The following SINHCAF variants were observed in gnomAD, a reference collection of about 807,000 sequenced individuals.
SINHCAF encodes the protein SIN3-HDAC complex associated factor.
SINHCAF carries 3 observed loss-of-function variants against 25.8 expected under a neutral mutation model. That is an observed-to-expected ratio of 0.12 (90% CI 0.05 to 0.30). The LOEUF (loss-of-function observed/expected upper bound fraction) is 0.30. Among genes scored for constraint, SINHCAF ranks in the 10% least tolerant of loss-of-function variants. SINHCAF has a pLI of 1.00. For missense variants in SINHCAF, 121 were observed against 262.3 expected (o/e 0.46, Z 3.72); for synonymous variants, 70 against 85.5 (o/e 0.82, Z 1.00).
At chr12:31,303,023 C>T (rs1370224152) in intron 1 of SINHCAF, 65 of 984,636 alleles carry the variant, frequency 6.6e-5, no homozygotes, top group Non-Finnish European at 7.1e-5. Context: ...TGTCTATCTA[C>T]AATATGTTTT....
chr12:31,291,275 A>G (rs1291806766), intron 4 of SINHCAF, among the ~76,000 whole-genome samples: 1 of 152,232 alleles, frequency 6.6e-6, no homozygotes, highest in Non-Finnish European at 1.5e-5. Flanking sequence ...AATAGCTAAC[A>G]TTTATAGACG....
chr12:31,286,246 T>TA (rs1938058901), intron 5 of SINHCAF, among the ~76,000 whole-genome samples: 1 of 152,100 alleles, frequency 6.6e-6, no homozygotes, highest in South Asian at 2.1e-4. Flanking sequence ...GTTGTCTAAG[T>TA]AAAAAAGTTT....
At chr12:31,299,515 A>G (rs1330659703) in intron 1 of SINHCAF, among the ~76,000 whole-genome samples, 3 of 152,104 alleles carry the variant, frequency 2.0e-5, no homozygotes, top group Non-Finnish European at 2.9e-5. Context: ...ACAGGGTTTC[A>G]GCATGTTAGC....
At chr12:31,292,219 G>A (rs558342694) in intron 4 of SINHCAF, among the ~76,000 whole-genome samples, 1 of 152,226 alleles carries the variant, frequency 6.6e-6, no homozygotes, top group Admixed American at 6.5e-5. Flanking sequence ...ATCTAGTGAG[G>A]ACTGGGTGTG....
intron 1 of SINHCAF, among the ~76,000 whole-genome samples, chr12:31,322,413 C>G (rs1235890831): frequency 6.6e-6 from 1 of 152,160 alleles, no homozygotes; most frequent in Non-Finnish European, 1.5e-5. Context: ...GAAATAGCTG[C>G]GAAAGGAAAG....
chr12:31,302,930 G>A, intron 1 of SINHCAF: 1 of 985,096 alleles, frequency 1.0e-6, no homozygotes, highest in African/African-American at 1.7e-5. Context: ...AATAGGCCAT[G>A]GTTTTATTAC....
intron 1 of SINHCAF, among the ~76,000 whole-genome samples, chr12:31,311,205 G>T (rs979122527): frequency 1.3e-5 from 2 of 152,108 alleles, no homozygotes; most frequent in African/African-American, 4.8e-5. Context: ...TCATACCCAC[G>T]CGTCTTTGAG....
rs1410356218 is a variant in SINHCAF, at chr12:31,325,079, A to G, written c.-21+945T>C. ...GAGCACAAAAAGCAGTGCCCTGCGGAGTTCACTGACTCCCGCGGCGTACAC... is the reference window on the plus strand; with the variant it reads ...GAGCACAAAAAGCAGTGCCCTGCGGGGTTCACTGACTCCCGCGGCGTACAC... On this transcript the variant is annotated intron_variant, in intron 1 of 5. Coordinates refer to ENST00000337682, the MANE Select transcript of SINHCAF (RefSeq NM_001135812.2). This position sits in a 1 kb window ranked among gnomAD's most constrained non-coding sequence, Gnocchi z 5.9. The G allele has an allele frequency of 1.3e-5, 6 of 456,628 alleles. No homozygotes were observed. The highest frequency in any genetic ancestry group is 2.6e-5 in the Non-Finnish European group (6 of 226,964). The allele number at this position is 456,628 out of a possible 1,614,324, so 28.3% of individuals were successfully genotyped here. A position where few individuals can be genotyped will look rare whatever the true frequency, so the allele number is the denominator to read the frequency against.
rs777226454 is a variant in SINHCAF, at chr12:31,282,784, A to G, written c.594T>C (p.Asn198=). ...DTHLFKPCCS[N]KKAAAEKPEE... ...CTGGCTTCTCAGCAGCTGCTTTCTT[A>G]TTGCTGCAGCAAGGCTTGAAGAGAT... Residue 198 remains asparagine (N), a synonymous_variant, in exon 6 of 6, where the codon AAT becomes AAC. Transcript: ENST00000337682. 2 of 1,613,068 alleles carry G rather than the reference A, an allele frequency of 1.2e-6. No individual in the cohort carries two copies. Among genetic ancestry groups the G allele is most frequent in the South Asian group, 2.2e-5 (2 of 91,004 alleles).
At chr12:31,311,700 GA>G in intron 1 of SINHCAF, 1 of 495,976 alleles carries the variant, frequency 2.0e-6, no homozygotes, top group South Asian at 1.7e-5. Context: ...CAAGCATTGA[GA>G]AAAATGGTGA....
At chr12:31,307,799 G>C (rs1939097965) in intron 1 of SINHCAF, among the ~76,000 whole-genome samples, 1 of 152,114 alleles carries the variant, frequency 6.6e-6, no homozygotes, top group Admixed American at 6.5e-5. Flanking sequence ...CCTCATACAA[G>C]GGGGCCATCC....
At chr12:31,306,318 C>G (rs1939023971) in intron 1 of SINHCAF, among the ~76,000 whole-genome samples, 1 of 152,164 alleles carries the variant, frequency 6.6e-6, no homozygotes. Flanking sequence ...AGATGGTACA[C>G]TGTAAATCAA....
chr12:31,290,026 G>T (rs547648976), intron 4 of SINHCAF, among the ~76,000 whole-genome samples: 24 of 152,078 alleles, frequency 1.6e-4, no homozygotes, highest in Non-Finnish European at 2.9e-4. Flanking sequence ...ACAAGGTCTC[G>T]TTATTTGCCC....
intron 5 of SINHCAF, among the ~76,000 whole-genome samples, chr12:31,286,552 T>C (rs1938077701): frequency 6.6e-6 from 1 of 151,292 alleles, no homozygotes; most frequent in Admixed American, 6.6e-5. Flanking sequence ...TAATCCCAGC[T>C]ACTCGGGAGG....
At chr12:31,309,663 G>GTTTTTTTTTTT (rs1939183135) in intron 1 of SINHCAF, among the ~76,000 whole-genome samples, 1 of 138,732 alleles carries the variant, frequency 7.2e-6, no homozygotes. Flanking sequence ...ATCAACTTGT[G>GTTTTTTTTTTT]ATTTTTTTTT....
At chr12:31,300,244 T>A (rs559753652) in intron 1 of SINHCAF, among the ~76,000 whole-genome samples, 1 of 152,350 alleles carries the variant, frequency 6.6e-6, no homozygotes, top group East Asian at 1.9e-4. Flanking sequence ...AAAATTTTTT[T>A]AAAACTTTTA....
At chr12:31,323,929 C>T (rs1939824645) in intron 1 of SINHCAF, 3 of 455,546 alleles carry the variant, frequency 6.6e-6, no homozygotes, top group African/African-American at 4.0e-5. Context: ...CCTCCCAGGG[C>T]CCTCGGGTCC....
At chr12:31,287,320 T>C (rs1938122107) in intron 5 of SINHCAF, among the ~76,000 whole-genome samples, 1 of 152,236 alleles carries the variant, frequency 6.6e-6, no homozygotes, top group Non-Finnish European at 1.5e-5. Context: ...ACTTTATCTC[T>C]AGTATATTTT....
chr12:31,310,632 T>C (rs1297147602), intron 1 of SINHCAF, among the ~76,000 whole-genome samples: 1 of 152,214 alleles, frequency 6.6e-6, no homozygotes, highest in African/African-American at 2.4e-5. Context: ...GGTCAGCCAG[T>C]TGACCAGTCA....
Sources: gnomAD v4.1 joint callset for allele counts (sites outside exome capture counted in the v4.1 genomes callset) on GRCh38, gnomAD v4.1.1 for gene constraint, Gnocchi (gnomAD v3.1) non-coding constraint, MANE v1.5 for transcripts, NCBI Gene and HGNC (gene_info 2026-07-23, HGNC 2026-07-21) for gene names.